HERC5: variants seen among roughly 807,000 people sequenced by gnomAD.
The protein encoded by HERC5 is HECT and RLD domain containing E3 ubiquitin protein ligase 5.
A neutral mutation model predicts 119.6 loss-of-function variants in HERC5; 99 were observed. The observed-to-expected ratio is 0.83, with a 90% CI of 0.70 to 0.98. HERC5 has a LOEUF of 0.98. Ranked by LOEUF, HERC5 falls within the 50% of genes least tolerant of loss-of-function variation. HERC5 has a pLI of 0.00. For synonymous variants in HERC5, 478 were observed against 445.9 expected (o/e 1.07, Z -0.91); for missense variants, 1,267 against 1,241.3 (o/e 1.02, Z -0.31).
chr4:88,494,370 C>G (rs755781516), intron 18 of HERC5, 39 bp downstream of exon 18: 1 of 1,539,226 alleles, frequency 6.5e-7, no homozygotes, highest in South Asian at 1.2e-5. Context: ...CCCTTTCTAA[C>G]ATATATTTAG....
chr4:88,490,922 A>G (rs1741615143), intron 16 of HERC5, among the ~76,000 whole-genome samples: 1 of 152,160 alleles, frequency 6.6e-6, no homozygotes, highest in Non-Finnish European at 1.5e-5. Flanking sequence ...TATAACTCTA[A>G]TGGACTCGTT....
chr4:88,470,502 G>A, intron 9 of HERC5, 112 bp from the exon 10 acceptor site: 1 of 634,350 alleles, frequency 1.6e-6, no homozygotes. Context: ...TGGAGAGGTT[G>A]GAAGGATAGT....
chr4:88,479,633 T>A, intron 13 of HERC5, 126 bp downstream of exon 13: 2 of 571,442 alleles, frequency 3.5e-6, no homozygotes, highest in East Asian at 3.6e-5. Flanking sequence ...ATTTTTTTAA[T>A]TTTTTTTTAA....
At position 88,472,430 on chromosome 4, in the gene HERC5, T is replaced by C. The variant is rs896055843; in HGVS notation, c.1320T>C (p.Pro440=). The C allele has an allele frequency of 6.3e-7, 1 of 1,593,756 alleles. No homozygotes were observed. Among genetic ancestry groups the C allele is most frequent in the Non-Finnish European group, 8.6e-7 (1 of 1,164,182 alleles). The change falls in exon 11 of 23, where the codon CCT becomes CCC. Residue 440 remains proline, a synonymous_variant. Transcript: ENST00000264350. The part of the protein sequence containing the change: ...LRKRRTTEMM[P]VYLDLNKARN... ...ACAGAAGAACTACAGAAATGATGCC[T>C]GTTTATTTGGACTTAAATAAAGCAA...
intron 12 of HERC5, among the ~76,000 whole-genome samples, chr4:88,477,327 AG>A (rs563368854): frequency 0.01 from 7 of 700 alleles, no homozygotes; most frequent in South Asian, 0.12. Flanking sequence ...AGGGGAAGGG[AG>A]GGGGAGGGGG....
chr4:88,467,444 A>G (rs1405758957), intron 7 of HERC5, among the ~76,000 whole-genome samples: 2 of 152,250 alleles, frequency 1.3e-5, no homozygotes, highest in African/African-American at 2.4e-5. Flanking sequence ...AAAATAGACA[A>G]TGGATTCAGA....
rs376865548 is a variant in HERC5 at position 88,469,195 on chromosome 4, G to A, written c.1173G>A (p.Leu391=). The part of the protein sequence containing the change: ...YVNLKRTIPT[L]NEGTVKRWIA... Reference sequence around the variant, plus strand: ...ATCTGAAGAGGACAATTCCTACTCTGAATGAAGGGACTGTAAAGAGATGGA... The same window carrying A: ...ATCTGAAGAGGACAATTCCTACTCTAAATGAAGGGACTGTAAAGAGATGGA... Residue 391 remains leucine (L), a synonymous_variant, in exon 9 of 23, where the codon CTG becomes CTA. Coordinates refer to ENST00000264350, the MANE Select transcript of HERC5 (RefSeq NM_016323.4). 3.7e-6 allele frequency: 6 copies of A among 1,613,018 alleles called. No individual in the cohort carries two copies. In the African/African-American group the frequency reaches 6.7e-5, roughly 18 times the overall value.
chr4:88,467,148 GTGAC>G lies in HERC5; in HGVS notation c.1002_1005del (p.Asp335SerfsTer2). The G allele has an allele frequency of 6.2e-7, 1 of 1,614,162 alleles. No individual in the cohort carries two copies. Among genetic ancestry groups the G allele is most frequent in the Non-Finnish European group, 8.5e-7 (1 of 1,180,018 alleles). ...GGACAACTGGGAAATGGTGGAACAC[GTGAC>G]CAGCTGATGCCGCTTCCAGTGAAAG... is the stretch of plus-strand genomic sequence containing the variant. On this transcript the variant is annotated frameshift_variant, in exon 7 of 23. Coordinates refer to ENST00000264350, the MANE Select transcript of HERC5 (RefSeq NM_016323.4). LOFTEE classifies it high-confidence loss of function.
chr4:88,462,288 C>G lies in HERC5; in HGVS notation c.620C>G (p.Ser207Cys). ...GGAGAAGCCCACAGCATGGCCTTAT[C>G]CATGTCTGGCAACATTTATTCATGG... ...SAGEAHSMAL[S>C]MSGNIYSWGK... Residue 207 changes from serine to cysteine, a missense_variant, in exon 4 of 23, where the codon TCC becomes TGC. Ser to Cys is a moderately radical substitution (Grantham distance 112, BLOSUM62 -1). Transcript: ENST00000264350. 1 of 1,614,160 alleles carries G rather than the reference C, an allele frequency of 6.2e-7. No individual in the cohort carries two copies. Among genetic ancestry groups the G allele is most frequent in the Non-Finnish European group, 8.5e-7 (1 of 1,180,032 alleles).
chr4:88,478,767 C>G (rs1245949404), intron 12 of HERC5, among the ~76,000 whole-genome samples: 1 of 151,954 alleles, frequency 6.6e-6, no homozygotes. Flanking sequence ...TGTGCCACCA[C>G]GCCCTGCTAA....
chr4:88,497,591 T>G (rs1296705528), intron 18 of HERC5, among the ~76,000 whole-genome samples: 1 of 152,216 alleles, frequency 6.6e-6, no homozygotes, highest in Non-Finnish European at 1.5e-5. Context: ...AATATGGCTT[T>G]TCTTGACTGC....
intron 10 of HERC5, among the ~76,000 whole-genome samples, chr4:88,472,014 G>C (rs868689322): frequency 9.0e-6 from 1 of 110,592 alleles, no homozygotes; most frequent in African/African-American, 3.5e-5. Flanking sequence ...TTCTTTTTCT[G>C]AGGCAGGATC....
chr4:88,471,018 C>G (rs1740853205), intron 10 of HERC5, among the ~76,000 whole-genome samples: 1 of 151,362 alleles, frequency 6.6e-6, no homozygotes, highest in Admixed American at 6.6e-5. Flanking sequence ...GTTGCCCATG[C>G]TTTAATGCAG....
rs151303993 is a variant in HERC5 at position 88,489,788 on chromosome 4, C to T, written c.2133+452C>T. Among the ~76,000 whole-genome samples the T allele has an allele frequency of 5.3e-5, 8 of 152,236 alleles. No homozygotes were observed. The East Asian group carries it at 1.4e-3, about 26-fold the overall frequency. ...CTTTGGGATGCTGAAGCAGGTGGAT[C>T]ACCTGAGGTCAGGAGTTCGAGACCA... On this transcript the variant is annotated intron_variant, in intron 16 of 22. Transcript: ENST00000264350.
At chr4:88,491,364 GTA>G (rs1443370749) in intron 16 of HERC5, among the ~76,000 whole-genome samples, 1 of 152,178 alleles carries the variant, frequency 6.6e-6, no homozygotes, top group Non-Finnish European at 1.5e-5. Context: ...GGTTAAATAC[GTA>G]TGGGTGGTAA....
intron 18 of HERC5, among the ~76,000 whole-genome samples, chr4:88,497,167 T>C (rs1463874162): frequency 6.6e-6 from 1 of 152,198 alleles, no homozygotes; most frequent in East Asian, 1.9e-4. Flanking sequence ...GGGAAATTGC[T>C]ACCAAGAAGT....
chr4:88,502,965 CT>C (rs1741990684), intron 20 of HERC5, among the ~76,000 whole-genome samples: 1 of 151,642 alleles, frequency 6.6e-6, no homozygotes. Flanking sequence ...TGTCTTTTCA[CT>C]TTTTAAATGT....
intron 13 of HERC5, among the ~76,000 whole-genome samples, chr4:88,479,850 G>A (rs985083042): frequency 1.3e-5 from 2 of 152,012 alleles, no homozygotes; most frequent in African/African-American, 2.4e-5. Flanking sequence ...GGCGGATCAC[G>A]AGGTCAGGAG....
chr4:88,483,976 G>A (rs1741373691), intron 13 of HERC5, among the ~76,000 whole-genome samples: 1 of 151,882 alleles, frequency 6.6e-6, no homozygotes, highest in Non-Finnish European at 1.5e-5. Context: ...CAGTCTATTT[G>A]GCATGTCCCT....
Sources: allele counts gnomAD v4.1 joint callset (sites outside exome capture counted in the v4.1 genomes callset), GRCh38; gene constraint gnomAD v4.1.1; transcripts MANE v1.5; gene names NCBI Gene and HGNC (gene_info 2026-07-23, HGNC 2026-07-21).